STK3: variants seen among roughly 807,000 people sequenced by gnomAD.
STK3 encodes the protein serine/threonine kinase 3.
Under a neutral mutation model 58.0 loss-of-function variants are expected in STK3, and 41 were observed. The ratio of observed to expected loss-of-function variants is 0.71; its 90% CI spans 0.55 to 0.92. The LOEUF is 0.92. STK3 is among the 40% of genes least tolerant of loss of function. The pLI is 0.00. For synonymous variants in STK3, 170 were observed against 191.0 expected, an observed-to-expected ratio of 0.89 and a Z score of 0.91; for missense variants, 479 against 602.7, an observed-to-expected ratio of 0.79 and a Z score of 2.15.
chr8:98,767,478 A>G (rs1160591494), intron 2 of STK3, 107 bp from the exon 3 acceptor site: 1 of 1,011,414 alleles, frequency 9.9e-7, no homozygotes, highest in East Asian at 3.0e-5. Flanking sequence ...TTAAAACACT[A>G]TTTAAATGAT....
Position 98,894,350 on chromosome 8 carries a change from AT to A in STK3, c.-78-10517del, listed in dbSNP as rs892572744. On this transcript the variant is annotated intron_variant, in intron 1 of 1. Coordinates refer to the STK3 transcript ENST00000519420. ...TGTTATCTTACCTTCCTCCAAAAAA[AT>A]ATCTGAGCCACAGCTGCAACATCCT... is the stretch of plus-strand genomic sequence containing the variant. 8.5e-5 allele frequency among the ~76,000 whole-genome samples: 13 copies of A among 152,212 alleles called. No homozygotes were observed. In the East Asian group the frequency reaches 1.2e-3, roughly 14 times the overall value.
intron 1 of STK3, among the ~76,000 whole-genome samples, chr8:98,899,552 A>G (rs1838580252): frequency 6.6e-6 from 1 of 152,190 alleles, no homozygotes; most frequent in African/African-American, 2.4e-5. Flanking sequence ...GATTTAAAGT[A>G]TGGGAAGATA....
chr8:98,385,585 A>G (rs16896955), intron 1 of STK3, among the ~76,000 whole-genome samples: 8,684 of 152,056 alleles, frequency 0.057, 638 homozygotes, highest in East Asian at 0.16. Context: ...CTGGTGCCTG[A>G]ATGGGCAAAT....
At chr8:98,696,952 CT>C (rs1413051542) in intron 6 of STK3, among the ~76,000 whole-genome samples, 1 of 152,066 alleles carries the variant, frequency 6.6e-6, no homozygotes, top group Non-Finnish European at 1.5e-5. Flanking sequence ...CTCCTTGTAC[CT>C]CTGGTAGAAT....
At chr8:98,364,063 G>A in the STK3 span, among the ~76,000 whole-genome samples, 1 of 152,182 alleles carries the variant, frequency 6.6e-6, no homozygotes, top group Non-Finnish European at 1.5e-5. Context: ...TAGTGAGTTG[G>A]TGGGTGTCAC....
chr8:98,746,719 T>G (rs1829666184), intron 4 of STK3, among the ~76,000 whole-genome samples: 1 of 152,182 alleles, frequency 6.6e-6, no homozygotes, highest in African/African-American at 2.4e-5. Context: ...CCTAGAATTC[T>G]TTACCCAGCA....
chr8:98,735,975 T>C (rs1216473300), intron 4 of STK3, among the ~76,000 whole-genome samples: 4 of 151,996 alleles, frequency 2.6e-5, no homozygotes, highest in Non-Finnish European at 5.9e-5. Context: ...CATATAACTA[T>C]TAGCAAACTG....
intron 4 of STK3, among the ~76,000 whole-genome samples, chr8:98,714,079 A>C (rs1024199937): frequency 5.9e-5 from 9 of 152,076 alleles, no homozygotes; most frequent in African/African-American, 2.2e-4. Context: ...AAAATTCAAC[A>C]ACCTACATGC....
chr8:98,483,991 T>A (rs1353072731), intron 10 of STK3, among the ~76,000 whole-genome samples: 1 of 149,732 alleles, frequency 6.7e-6, no homozygotes, highest in African/African-American at 2.4e-5. Context: ...AGTCAGTTTT[T>A]TACTACCCTT....
chr8:98,540,989 G>C (rs533154643), intron 9 of STK3, among the ~76,000 whole-genome samples: 7 of 152,298 alleles, frequency 4.6e-5, no homozygotes, highest in African/African-American at 1.2e-4. Context: ...AGTGAGGGTT[G>C]ATTTCAATCT....
intron 6 of STK3, 188 bp from the exon 7 acceptor site, chr8:98,596,357 A>G: frequency 1.8e-6 from 1 of 559,522 alleles, no homozygotes; most frequent in Non-Finnish European, 3.0e-6. Flanking sequence ...ATTTCCCATT[A>G]AATTTCCTCT....
At chr8:98,344,105 T>C in the STK3 span, among the ~76,000 whole-genome samples, 1 of 152,156 alleles carries the variant, frequency 6.6e-6, no homozygotes, top group African/African-American at 2.4e-5. Flanking sequence ...GTGCATTTAT[T>C]TGAATGTGAT....
intron 4 of STK3, among the ~76,000 whole-genome samples, chr8:98,713,118 G>C (rs186009928): frequency 6.6e-6 from 1 of 152,092 alleles, no homozygotes; most frequent in South Asian, 2.1e-4. Flanking sequence ...CAGAATCTCC[G>C]GGACACATTC....
At chr8:98,878,022 T>C (rs1837621009) in intron 3 of STK3, among the ~76,000 whole-genome samples, 1 of 152,168 alleles carries the variant, frequency 6.6e-6, no homozygotes, top group African/African-American at 2.4e-5. Context: ...ATAACCAAAT[T>C]TGTTGCAACA....
chr8:98,532,439 T>C (rs1316102975), intron 9 of STK3, among the ~76,000 whole-genome samples: 1 of 152,108 alleles, frequency 6.6e-6, no homozygotes, highest in East Asian at 1.9e-4. Flanking sequence ...ATTACAATAG[T>C]AGCACCAAAG....
chr8:98,774,414 G>A (rs1831524355), intron 2 of STK3, among the ~76,000 whole-genome samples: 1 of 152,074 alleles, frequency 6.6e-6, no homozygotes, highest in African/African-American at 2.4e-5. Context: ...TGGCCTTATG[G>A]TCACTTGCCT....
chr8:98,410,833 G>T (rs1586551745), intron 3 of STK3, among the ~76,000 whole-genome samples: 1 of 152,180 alleles, frequency 6.6e-6, no homozygotes, highest in Non-Finnish European at 1.5e-5. Context: ...AGAAGAAAGG[G>T]GAAGAGTGGA....
At chr8:98,352,670 G>A in the STK3 span, among the ~76,000 whole-genome samples, 1 of 152,064 alleles carries the variant, frequency 6.6e-6, no homozygotes, top group African/African-American at 2.4e-5. Context: ...GATGACTCTC[G>A]AAGAAACATT....
intron 1 of STK3, among the ~76,000 whole-genome samples, chr8:98,789,099 C>T (rs1434677470): frequency 1.3e-5 from 2 of 152,126 alleles, no homozygotes; most frequent in Non-Finnish European, 2.9e-5. Context: ...AAAATCAACT[C>T]TAAAAGGAAA....
Sources: allele counts gnomAD v4.1 joint callset (sites outside exome capture counted in the v4.1 genomes callset), GRCh38; gene constraint gnomAD v4.1.1; transcripts MANE v1.5; gene names NCBI Gene and HGNC (gene_info 2026-07-23, HGNC 2026-07-21).